Variants in MYT1L observed in about 807,000 individuals in gnomAD.
MYT1L encodes the protein myelin transcription factor 1-like protein.
MYT1L carries 12 observed loss-of-function variants against 126.7 expected under a neutral mutation model. That is an observed-to-expected ratio of 0.09 (90% CI 0.06 to 0.15). MYT1L has a LOEUF of 0.15. MYT1L is among the 10% of genes least tolerant of loss of function. The pLI is 1.00. For synonymous variants in MYT1L, 541 were observed against 604.2 expected (o/e 0.90, Z 1.53); for missense variants, 979 against 1,585.2 (o/e 0.62, Z 6.49).
chr2:1,861,996 GA>G (rs2044734124), intron 18 of MYT1L, among the ~76,000 whole-genome samples: 14 of 152,078 alleles, frequency 9.2e-5, no homozygotes, highest in South Asian at 4.2e-4. Context: ...TGTAATCCTG[GA>G]ATTCGCTGAG....
chr2:2,091,237 T>C (rs541289537), intron 3 of MYT1L, among the ~76,000 whole-genome samples: 5 of 152,368 alleles, frequency 3.3e-5, no homozygotes, highest in Admixed American at 2.0e-4. Context: ...CAATTGAAAT[T>C]ACTCCTGATC....
chr2:1,961,802 G>A (rs1260778824), intron 8 of MYT1L, among the ~76,000 whole-genome samples: 2 of 152,214 alleles, frequency 1.3e-5, no homozygotes, highest in Admixed American at 6.5e-5. Context: ...TCACACAGAT[G>A]TTTTGGTTTC....
intron 8 of MYT1L, among the ~76,000 whole-genome samples, chr2:1,966,663 T>C (rs1020807169): frequency 6.6e-6 from 1 of 150,962 alleles, no homozygotes; most frequent in Non-Finnish European, 1.5e-5. Flanking sequence ...ATTTGAACAA[T>C]AAAAGAATTG....
In MYT1L at chr2:2,204,792, G is replaced by T. The variant is rs533080416; in HGVS notation, c.-420-31804C>A. 1.8e-4 allele frequency among the ~76,000 whole-genome samples: 27 copies of T among 152,016 alleles called. No homozygotes were observed. The South Asian group carries it at 4.8e-3, about 27-fold the overall frequency. ...TACCCAAAGGATTATAAATCATGCT[G>T]CTATAAAGACACATGCACACATATG... On this transcript the variant is annotated intron_variant, in intron 2 of 24. Coordinates refer to ENST00000647738, the MANE Select transcript of MYT1L (RefSeq NM_001303052.2).
chr2:2,131,715 G>A (rs1206679100), intron 3 of MYT1L, among the ~76,000 whole-genome samples: 1 of 152,054 alleles, frequency 6.6e-6, no homozygotes, highest in Non-Finnish European at 1.5e-5. Flanking sequence ...AGCAGTGATT[G>A]TGAGACGTAA....
intron 2 of MYT1L, among the ~76,000 whole-genome samples, chr2:2,216,021 T>C (rs2093666081): frequency 6.6e-6 from 1 of 151,718 alleles, no homozygotes; most frequent in African/African-American, 2.4e-5. Context: ...TCTTTCTCTC[T>C]CTCTTTTGTG....
chr2:1,803,723 C>T (rs1279322036), intron 22 of MYT1L, among the ~76,000 whole-genome samples: 1 of 152,196 alleles, frequency 6.6e-6, no homozygotes, highest in Non-Finnish European at 1.5e-5. Context: ...ACGTCTCAGT[C>T]CTGGGGCTGC....
At chr2:1,962,959 A>C (rs1478953351) in intron 8 of MYT1L, among the ~76,000 whole-genome samples, 1 of 152,250 alleles carries the variant, frequency 6.6e-6, no homozygotes, top group Non-Finnish European at 1.5e-5. Context: ...TCACGAATGT[A>C]CTTAATGGCA....
At chr2:1,893,757 C>T (rs985369180) in intron 14 of MYT1L, among the ~76,000 whole-genome samples, 9 of 152,096 alleles carry the variant, frequency 5.9e-5, no homozygotes, top group East Asian at 3.9e-4. Context: ...ATTGCTGATA[C>T]GGTCATTATG....
chr2:2,089,991 G>T (rs2076747193), intron 3 of MYT1L, among the ~76,000 whole-genome samples: 1 of 152,144 alleles, frequency 6.6e-6, no homozygotes, highest in African/African-American at 2.4e-5. Context: ...GAGACAGGTG[G>T]GATAGTCTGA....
Position 1,801,294 on chromosome 2 carries a change from T to C in MYT1L, c.3276+402A>G, listed in dbSNP as rs1183808463. ...AAATCCCAGACACCCAGGAGTCCTA[T>C]GTGGCAGGCACTCCTTGTTTTAAAT... On this transcript the variant is annotated intron_variant, in intron 23 of 24. Transcript: ENST00000647738. This position sits in a 1 kb window ranked among gnomAD's most constrained non-coding sequence, Gnocchi z 4.2. 1 of 157,712 alleles carries C rather than the reference T, an allele frequency of 6.3e-6. No individual in the cohort carries two copies. Among genetic ancestry groups the C allele is most frequent in the African/African-American group, 2.4e-5 (1 of 41,600 alleles). The allele number at this position is 157,712 out of a possible 1,614,324, so 9.8% of individuals were successfully genotyped here.
chr2:2,012,181 A>G (rs1352260293), intron 4 of MYT1L, among the ~76,000 whole-genome samples: 2 of 152,272 alleles, frequency 1.3e-5, no homozygotes, highest in Non-Finnish European at 2.9e-5. Flanking sequence ...TTAAATTTCC[A>G]TCTACTGATG....
intron 4 of MYT1L, among the ~76,000 whole-genome samples, chr2:2,021,704 T>C (rs183144781): frequency 1.2e-3 from 179 of 152,296 alleles, no homozygotes; most frequent in African/African-American, 4.2e-3. Context: ...GAGACCATCC[T>C]GGCTAACACG....
chr2:1,984,785 A>G (rs1470912438), intron 5 of MYT1L, among the ~76,000 whole-genome samples: 5 of 151,724 alleles, frequency 3.3e-5, no homozygotes, highest in East Asian at 1.9e-4. Flanking sequence ...CTGGTATTAC[A>G]GGTGCAAGCC....
chr2:2,288,637 C>T (rs2095556508), intron 1 of MYT1L, among the ~76,000 whole-genome samples: 1 of 152,138 alleles, frequency 6.6e-6, no homozygotes, highest in Non-Finnish European at 1.5e-5. Context: ...AAAATTAATT[C>T]CATCTGGTTC....
At chr2:2,116,882 A>G (rs1211739755) in intron 3 of MYT1L, among the ~76,000 whole-genome samples, 1 of 152,222 alleles carries the variant, frequency 6.6e-6, no homozygotes. Context: ...CACTGGAGCC[A>G]TCCTGGGCAT....
In MYT1L at chr2:2,290,708, T is replaced by C. The variant is rs1573226649; in HGVS notation, c.-520-6205A>G. Among the ~76,000 whole-genome samples, 4 of 152,238 alleles carry C rather than the reference T, an allele frequency of 2.6e-5. No individual in the cohort carries two copies. In the East Asian group the frequency reaches 5.8e-4, roughly 22 times the overall value. ...GATGTGGTTCCTGGACCTGGTTGCA[T>C]ATTGCAATTACCTGCGACCTTTGGA... On this transcript the variant is annotated intron_variant, in intron 1 of 24. Coordinates refer to ENST00000647738, the MANE Select transcript of MYT1L (RefSeq NM_001303052.2).
At chr2:2,143,936 G>A (rs959495697) in intron 3 of MYT1L, among the ~76,000 whole-genome samples, 2 of 141,838 alleles carry the variant, frequency 1.4e-5, no homozygotes, top group African/African-American at 2.6e-5. Flanking sequence ...ATAAAGATGG[G>A]AGCAATAGAC....
chr2:2,006,617 T>G (rs1835886), intron 4 of MYT1L, among the ~76,000 whole-genome samples: 1 of 152,030 alleles, frequency 6.6e-6, no homozygotes, highest in Admixed American at 6.6e-5. Flanking sequence ...ACTCTGTCAA[T>G]CAGGCTGGAG....
Sources: allele counts gnomAD v4.1 joint callset (sites outside exome capture counted in the v4.1 genomes callset), GRCh38; gene constraint gnomAD v4.1.1; non-coding constraint Gnocchi (gnomAD v3.1); transcripts MANE v1.5; gene names NCBI Gene and HGNC (gene_info 2026-07-23, HGNC 2026-07-21).